The following CARF variants were observed in gnomAD, a reference collection of about 807,000 sequenced individuals.
CARF encodes calcium-responsive transcription factor.
Under a neutral mutation model 82.0 loss-of-function variants are expected in CARF, and 57 were observed. That is an observed-to-expected ratio of 0.70 (90% confidence interval 0.56 to 0.87). CARF has a LOEUF of 0.87. CARF is among the 40% of genes least tolerant of loss of function. CARF has a pLI of 0.00. For synonymous variants in CARF, 268 were observed against 290.1 expected (o/e 0.92, Z 0.77); for missense variants, 771 against 855.8 (o/e 0.90, Z 1.24).
chr2:202,917,768 A>C, intron 1 of CARF, 109 bp from the exon 2 acceptor site: 1 of 207,464 alleles, frequency 4.8e-6, no homozygotes, highest in Non-Finnish European at 9.8e-6. Context: ...TAGTTTTACC[A>C]CACCAGGCTG....
intron 3 of CARF, chr2:202,925,530 C>A: frequency 4.5e-6 from 1 of 220,692 alleles, no homozygotes; most frequent in Non-Finnish European, 9.3e-6. Flanking sequence ...CAGACGCTGC[C>A]TGGGAAGCCA....
intron 9 of CARF, among the ~76,000 whole-genome samples, chr2:202,966,036 G>A (rs762573082): frequency 2.4e-4 from 37 of 152,144 alleles, no homozygotes; most frequent in Admixed American, 4.6e-4. Flanking sequence ...TCCTTGCCAC[G>A]TGGGCCTTTC....
chr2:202,915,701 C>CTTG (rs1386029856), intron 1 of CARF, among the ~76,000 whole-genome samples: 21 of 151,908 alleles, frequency 1.4e-4, no homozygotes, highest in Admixed American at 6.6e-4. Context: ...ATCTCCTGAC[C>CTTG]TTGTGATCCA....
intron 2 of CARF, among the ~76,000 whole-genome samples, chr2:202,921,542 T>G (rs1008820972): frequency 1.3e-5 from 2 of 152,184 alleles, no homozygotes; most frequent in African/African-American, 4.8e-5. Flanking sequence ...TCAGATATAG[T>G]TATAAAACAC....
At chr2:202,925,357 G>T in intron 3 of CARF, 1 of 315,132 alleles carries the variant, frequency 3.2e-6, no homozygotes. Flanking sequence ...CCAGTTCTTG[G>T]TCACATCCCT....
At chr2:202,965,945 G>A (rs2059531608) in intron 9 of CARF, among the ~76,000 whole-genome samples, 1 of 152,164 alleles carries the variant, frequency 6.6e-6, no homozygotes, top group Non-Finnish European at 1.5e-5. Flanking sequence ...CAGCAAAGTG[G>A]TTCTGCTGCA....
intron 3 of CARF, 91 bp downstream of exon 3, chr2:202,924,506 A>G (rs12988890): frequency 6.6e-6 from 1 of 152,012 alleles, no homozygotes; most frequent in Admixed American, 6.6e-5. Context: ...TGATGTATTG[A>G]TATATTTGTC....
intron 3 of CARF, among the ~76,000 whole-genome samples, chr2:202,934,992 G>A (rs1421331636): frequency 1.3e-5 from 2 of 148,840 alleles, no homozygotes; most frequent in East Asian, 2.0e-4. Context: ...TGGGAGAATC[G>A]CTTGAACTGG....
intron 14 of CARF, among the ~76,000 whole-genome samples, chr2:202,980,369 G>A (rs1051293592): frequency 2.0e-5 from 3 of 151,780 alleles, no homozygotes; most frequent in African/African-American, 7.3e-5. Flanking sequence ...GAGATACTAA[G>A]AAAATAGAGT....
chr2:202,976,533 T>C (rs979309561), intron 13 of CARF, among the ~76,000 whole-genome samples: 5 of 152,124 alleles, frequency 3.3e-5, no homozygotes, highest in African/African-American at 9.7e-5. Flanking sequence ...TGTGAAAATT[T>C]TGCCTACTCT....
intron 3 of CARF, chr2:202,934,451 CT>C (rs1693546989): frequency 6.6e-6 from 1 of 152,040 alleles, no homozygotes; most frequent in African/African-American, 2.4e-5. Context: ...GTTGGTTTTT[CT>C]TGTTGCTGTT....
chr2:202,987,491 C>A lies in CARF; in HGVS notation c.*3867C>A, dbSNP rs2060485580. 6.6e-6 allele frequency among the ~76,000 whole-genome samples: 1 copy of A among 152,108 alleles called. No individual in the cohort carries two copies. Among genetic ancestry groups the A allele is most frequent in the Non-Finnish European group, 1.5e-5 (1 of 68,032 alleles). ...GACATCAAACATCTTAAATGATACACTGTTTTAATATCTAAAAATCTGTCA... is the reference window on the plus strand; with the variant it reads ...GACATCAAACATCTTAAATGATACAATGTTTTAATATCTAAAAATCTGTCA... On this transcript the variant is annotated 3_prime_UTR_variant, in exon 17 of 17. Transcript: ENST00000438828.
intron 3 of CARF, among the ~76,000 whole-genome samples, chr2:202,928,443 A>G (rs1317575142): frequency 6.6e-6 from 1 of 152,166 alleles, no homozygotes. Flanking sequence ...ATGGGAGTGC[A>G]GCTTTCTCCT....
chr2:202,920,275 C>T (rs1294527800), intron 2 of CARF, among the ~76,000 whole-genome samples: 2 of 151,912 alleles, frequency 1.3e-5, no homozygotes, highest in Non-Finnish European at 2.9e-5. Context: ...CTGCCTCAGA[C>T]TCCTGTAGCT....
chr2:202,935,097 A>T (rs939205250), intron 3 of CARF, among the ~76,000 whole-genome samples: 1 of 135,684 alleles, frequency 7.4e-6, no homozygotes, highest in East Asian at 2.3e-4. Flanking sequence ...TACATATTAT[A>T]TATAATATAT....
chr2:202,980,662 A>ATATAT (rs2060223733), intron 14 of CARF, among the ~76,000 whole-genome samples: 1 of 115,066 alleles, frequency 8.7e-6, no homozygotes, highest in Non-Finnish European at 1.8e-5. Flanking sequence ...ATATATATAT[A>ATATAT]GTTGTGCCTC....
intron 5 of CARF, among the ~76,000 whole-genome samples, chr2:202,946,689 A>G (rs574240038): frequency 2.6e-5 from 4 of 152,336 alleles, no homozygotes; most frequent in Admixed American, 2.0e-4. Flanking sequence ...AAAAGAAACT[A>G]TCAGAGTGAA....
chr2:202,961,566 G>A, intron 9 of CARF, 140 bp downstream of exon 9: 1 of 672,078 alleles, frequency 1.5e-6, no homozygotes, highest in Non-Finnish European at 2.5e-6. Flanking sequence ...ATATTAAATT[G>A]AAAAAACTTA....
At chr2:202,976,054 A>T (rs2060010757) in intron 13 of CARF, among the ~76,000 whole-genome samples, 2 of 152,088 alleles carry the variant, frequency 1.3e-5, no homozygotes, top group African/African-American at 2.4e-5. Context: ...TCAATAAATA[A>T]ATATATATCC....
Sources: allele counts gnomAD v4.1 joint callset (sites outside exome capture counted in the v4.1 genomes callset), GRCh38; gene constraint gnomAD v4.1.1; transcripts MANE v1.5; gene names NCBI Gene and HGNC (gene_info 2026-07-23, HGNC 2026-07-21).